Variants in PTPRD observed in about 807,000 individuals in gnomAD.
PTPRD encodes the protein receptor-type tyrosine-protein phosphatase delta.
PTPRD carries 34 observed loss-of-function variants against 214.5 expected under a neutral mutation model. The observed-to-expected ratio is 0.16, with a 90% CI of 0.12 to 0.21. The LOEUF (loss-of-function observed/expected upper bound fraction) is 0.21, where lower values mean the gene tolerates loss of function less well. Ranked by LOEUF, PTPRD falls within the 10% of genes least tolerant of loss-of-function variation. The pLI, the probability that PTPRD is intolerant of heterozygous loss-of-function variation, is 1.00. For missense variants in PTPRD, 2,545 were observed against 2,398.7 expected (o/e 1.06, Z -1.27); for synonymous variants, 1,128 against 845.7 (o/e 1.33, Z -5.79).
intron 11 of PTPRD, among the ~76,000 whole-genome samples, chr9:8,993,363 T>C (rs2099384899): frequency 6.6e-6 from 1 of 152,110 alleles, no homozygotes; most frequent in Admixed American, 6.6e-5. Flanking sequence ...AATTTTGGCT[T>C]ATAAGGATGT....
intron 5 of PTPRD, among the ~76,000 whole-genome samples, chr9:9,894,652 A>G (rs1351634616): frequency 6.6e-6 from 1 of 151,980 alleles, no homozygotes; most frequent in Non-Finnish European, 1.5e-5. Flanking sequence ...TTTCTTCCTA[A>G]GAACTTTCAT....
intron 11 of PTPRD, among the ~76,000 whole-genome samples, chr9:8,917,022 C>G (rs1371957177): frequency 6.6e-6 from 1 of 150,440 alleles, no homozygotes; most frequent in East Asian, 1.9e-4. Flanking sequence ...TCTTTTCTCT[C>G]TGCACAAAGA....
At chr9:8,909,521 G>C (rs1034878790) in intron 11 of PTPRD, among the ~76,000 whole-genome samples, 1 of 152,094 alleles carries the variant, frequency 6.6e-6, no homozygotes, top group African/African-American at 2.4e-5. Context: ...CAATAAGTAT[G>C]AAAGAAGTTT....
intron 12 of PTPRD, among the ~76,000 whole-genome samples, chr9:8,677,675 A>G (rs556933189): frequency 2.0e-5 from 3 of 152,210 alleles, no homozygotes; most frequent in African/African-American, 7.2e-5. Context: ...TAAAAGTTTT[A>G]AAAAATGTGA....
chr9:8,522,042 C>G (rs2097901950), intron 19 of PTPRD, among the ~76,000 whole-genome samples: 1 of 152,162 alleles, frequency 6.6e-6, no homozygotes, highest in Non-Finnish European at 1.5e-5. Flanking sequence ...CCCTGGAAAA[C>G]ATCACCTAGA....
At position 10,612,906 on chromosome 9, in the gene PTPRD, C is replaced by T. The variant is rs1327115569; in HGVS notation, c.-926G>A. Reference sequence around the variant, plus strand: ...AGGCGCTGCCCCCACGCGCTCCGGCCGCCGGCTGCGGGCGCGGCTGGGCGG... The same window carrying T: ...AGGCGCTGCCCCCACGCGCTCCGGCTGCCGGCTGCGGGCGCGGCTGGGCGG... On this transcript the variant is annotated 5_prime_UTR_variant, in exon 1 of 46. Coordinates refer to ENST00000381196, the MANE Select transcript of PTPRD (RefSeq NM_002839.4). 1.3e-5 allele frequency among the ~76,000 whole-genome samples: 2 copies of T among 151,724 alleles called. No individual in the cohort carries two copies. Among genetic ancestry groups the T allele is most frequent in the Admixed American group, 6.6e-5 (1 of 15,226 alleles).
At chr9:9,590,408 G>T (rs1052129458) in intron 7 of PTPRD, among the ~76,000 whole-genome samples, 1 of 151,968 alleles carries the variant, frequency 6.6e-6, no homozygotes, top group Non-Finnish European at 1.5e-5. Context: ...CCTTGAAAAT[G>T]AAGGTTAGAA....
chr9:9,074,741 C>T (rs911764308), intron 10 of PTPRD, among the ~76,000 whole-genome samples: 1 of 151,184 alleles, frequency 6.6e-6, no homozygotes, highest in African/African-American at 2.4e-5. Flanking sequence ...GTTGTTTGAG[C>T]TCCTTGTATA....
chr9:10,344,974 TC>T (rs1196557966), intron 2 of PTPRD, among the ~76,000 whole-genome samples: 68 of 152,292 alleles, frequency 4.5e-4, no homozygotes, highest in African/African-American at 1.5e-3. Flanking sequence ...CATATAAATC[TC>T]CTATTATACT....
intron 3 of PTPRD, among the ~76,000 whole-genome samples, chr9:10,313,008 T>C (rs1036295575): frequency 9.9e-5 from 15 of 151,980 alleles, no homozygotes; most frequent in African/African-American, 3.4e-4. Flanking sequence ...TGGTTGAAGA[T>C]AACCAGACAC....
intron 14 of PTPRD, among the ~76,000 whole-genome samples, chr9:8,533,491 G>C (rs1037071902): frequency 6.6e-6 from 1 of 151,960 alleles, no homozygotes; most frequent in Non-Finnish European, 1.5e-5. Context: ...AAGTATACCT[G>C]AACACTTAGA....
chr9:9,416,290 A>G (rs111837341), intron 8 of PTPRD, among the ~76,000 whole-genome samples: 6 of 152,162 alleles, frequency 3.9e-5, no homozygotes, highest in African/African-American at 1.2e-4. Context: ...TGGGTTTGAA[A>G]TCTTTCCATG....
At chr9:9,346,959 C>T (rs1254455833) in intron 9 of PTPRD, among the ~76,000 whole-genome samples, 1 of 152,086 alleles carries the variant, frequency 6.6e-6, no homozygotes, top group African/African-American at 2.4e-5. Flanking sequence ...TTCTAAAGTG[C>T]TGGGATTACA....
chr9:9,711,405 G>A (rs947267995), intron 7 of PTPRD, among the ~76,000 whole-genome samples: 1 of 152,058 alleles, frequency 6.6e-6, no homozygotes, highest in Non-Finnish European at 1.5e-5. Flanking sequence ...TATGCACTTT[G>A]TTCCTATTTA....
At chr9:10,387,994 T>G (rs2097958519) in intron 2 of PTPRD, among the ~76,000 whole-genome samples, 1 of 151,460 alleles carries the variant, frequency 6.6e-6, no homozygotes, top group African/African-American at 2.4e-5. Context: ...TCTCAAGCAT[T>G]GATCTTAAAT....
At position 8,873,769 on chromosome 9, in the gene PTPRD, T is replaced by G. The variant is rs2098341666; in HGVS notation, c.-103-139823A>C. On this transcript the variant is annotated intron_variant, in intron 11 of 45. Coordinates refer to ENST00000381196, the MANE Select transcript of PTPRD (RefSeq NM_002839.4). ...GTCTCGTTGGTGTCAGGCACGTAGG[T>G]CTGCAACCCTGCAGAGAAATATGAG... is the stretch of plus-strand genomic sequence containing the variant. Among the ~76,000 whole-genome samples the G allele has an allele frequency of 2.0e-5, 3 of 152,102 alleles. No homozygotes were observed. In the South Asian group the frequency reaches 6.2e-4, roughly 32 times the overall value.
intron 10 of PTPRD, among the ~76,000 whole-genome samples, chr9:9,041,523 T>C (rs575307834): frequency 2.2e-4 from 33 of 152,324 alleles, no homozygotes; most frequent in African/African-American, 7.9e-4. Context: ...GCTCCAACCA[T>C]GTTGCTTCAA....
Position 8,673,209 on chromosome 9 carries a change from G to A in PTPRD, c.65-36365C>T, listed in dbSNP as rs117988751. On this transcript the variant is annotated intron_variant, in intron 12 of 45. Coordinates refer to ENST00000381196, the MANE Select transcript of PTPRD (RefSeq NM_002839.4). ...AACACAGCGGCTGTCTCCATTTAAA[G>A]GAAAACACACACATACGCACAGCTA... 1.5e-3 allele frequency among the ~76,000 whole-genome samples: 226 copies of A among 151,658 alleles called. 1 individual carries two copies. Among genetic ancestry groups the A allele is most frequent in the East Asian group, 0.014 (74 of 5,166 alleles).
At position 8,395,992 on chromosome 9, in the gene PTPRD, T is replaced by C. The variant is rs550772111; in HGVS notation, c.4211-6585A>G. On this transcript the variant is annotated intron_variant, in intron 36 of 45. Transcript: ENST00000381196. The stretch of plus-strand genomic sequence containing the variant: ...TGAAGCTTAACTTTCAGCCACATCA[T>C]GGAGTTGTGGTCCAATTAGCTTTAT... 3.9e-5 allele frequency among the ~76,000 whole-genome samples: 6 copies of C among 152,170 alleles called. No individual in the cohort carries two copies. In the South Asian group the frequency reaches 1.2e-3, roughly 32 times the overall value.
Sources: allele counts gnomAD v4.1 joint callset (sites outside exome capture counted in the v4.1 genomes callset), GRCh38; gene constraint gnomAD v4.1.1; transcripts MANE v1.5; gene names NCBI Gene and HGNC (gene_info 2026-07-23, HGNC 2026-07-21).